CCNY: variants seen among roughly 807,000 people sequenced by gnomAD.
CCNY encodes cyclin Y.
In CCNY, 19 loss-of-function variants were observed where a neutral mutation model predicts 42.8. That is an observed-to-expected ratio of 0.44 (90% CI 0.31 to 0.65). The LOEUF (loss-of-function observed/expected upper bound fraction) is 0.65, where lower values mean the gene tolerates loss of function less well. Ranked by LOEUF, CCNY falls within the 30% of genes least tolerant of loss-of-function variation. The pLI, the probability that CCNY is intolerant of heterozygous loss-of-function variation, is 0.07. For missense variants in CCNY, 370 were observed against 437.3 expected (o/e 0.85, Z 1.37); for synonymous variants, 165 against 162.7 (o/e 1.01, Z -0.11).
intron 2 of CCNY, among the ~76,000 whole-genome samples, chr10:35,497,933 G>A (rs771518363): frequency 1.3e-5 from 2 of 152,010 alleles, no homozygotes; most frequent in East Asian, 1.9e-4. Flanking sequence ...TCCCTCTGCC[G>A]TGTTTCTCTG....
At chr10:35,340,076 A>G (rs1445353737) in intron 1 of CCNY, among the ~76,000 whole-genome samples, 1 of 152,190 alleles carries the variant, frequency 6.6e-6, no homozygotes, top group Non-Finnish European at 1.5e-5. Flanking sequence ...CTTGGATTCC[A>G]TTCATTTACT....
intron 1 of CCNY, among the ~76,000 whole-genome samples, chr10:35,423,962 G>A (rs924938065): frequency 3.3e-5 from 5 of 152,194 alleles, no homozygotes; most frequent in African/African-American, 1.2e-4. Context: ...TGAGGCTGGG[G>A]TTGGGAGAGG....
chr10:35,411,512 C>CAAAAAAAAAAAAA (rs59117826), intron 1 of CCNY, among the ~76,000 whole-genome samples: 1 of 61,392 alleles, frequency 1.6e-5, no homozygotes, highest in African/African-American at 6.3e-5. Context: ...AAGACTCTGT[C>CAAAAAAAAAAAAA]AAAAAAAAAA....
chr10:35,414,937 G>T (rs1279676687), intron 1 of CCNY, among the ~76,000 whole-genome samples: 1 of 152,168 alleles, frequency 6.6e-6, no homozygotes. Flanking sequence ...GAGTGACCCT[G>T]CTCTGAAGGA....
chr10:35,422,474 C>T (rs530137533), intron 1 of CCNY, among the ~76,000 whole-genome samples: 28 of 152,234 alleles, frequency 1.8e-4, no homozygotes, highest in South Asian at 1.2e-3. Flanking sequence ...TGAGCTGACT[C>T]GTGGGCATTT....
rs553253791 is a variant in CCNY at position 35,270,583 on chromosome 10, G to T, written c.-9+19957G>T. Among the ~76,000 whole-genome samples, 46 of 152,246 alleles carry T rather than the reference G, an allele frequency of 3.0e-4. 1 individual carries two copies. The South Asian group carries it at 8.9e-3, about 30-fold the overall frequency. ...TTTTGCCTGAATTGGTGCATGTGCT[G>T]GAAGTGTGAGTGCTCCAATTTGCCC... On this transcript the variant is annotated intron_variant, in intron 3 of 11. Coordinates refer to the CCNY transcript ENST00000374706.
At chr10:35,339,887 C>T (rs1028094851) in intron 1 of CCNY, among the ~76,000 whole-genome samples, 2 of 152,156 alleles carry the variant, frequency 1.3e-5, no homozygotes, top group African/African-American at 4.8e-5. Context: ...ATATTGGACT[C>T]ATGCTTTCCA....
intron 3 of CCNY, among the ~76,000 whole-genome samples, chr10:35,280,263 G>A (rs1835284650): frequency 2.0e-5 from 3 of 152,098 alleles, no homozygotes; most frequent in African/African-American, 7.2e-5. Flanking sequence ...GGAGTTGGAG[G>A]TTGCAGTGAG....
intron 1 of CCNY, among the ~76,000 whole-genome samples, chr10:35,461,783 A>G (rs1432924652): frequency 6.6e-6 from 1 of 152,126 alleles, no homozygotes; most frequent in African/African-American, 2.4e-5. Flanking sequence ...CCCTTGGTCT[A>G]CTGAATGATT....
chr10:35,520,734 CTCTT>C (rs1186598592), intron 4 of CCNY, among the ~76,000 whole-genome samples: 1 of 152,178 alleles, frequency 6.6e-6, no homozygotes, highest in Non-Finnish European at 1.5e-5. Context: ...TCAGTGCTCA[CTCTT>C]TCTGTAGACA....
intron 8 of CCNY, among the ~76,000 whole-genome samples, chr10:35,565,254 T>C (rs1841546090): frequency 6.6e-6 from 1 of 152,178 alleles, no homozygotes; most frequent in Admixed American, 6.5e-5. Flanking sequence ...CCTACCTTTT[T>C]AGTTGAGTGG....
intron 3 of CCNY, among the ~76,000 whole-genome samples, chr10:35,281,929 A>G (rs1473396314): frequency 6.6e-6 from 1 of 152,142 alleles, no homozygotes; most frequent in Non-Finnish European, 1.5e-5. Flanking sequence ...CAAGATCTGC[A>G]TATTTCTTAA....
chr10:35,463,406 C>G (rs1039122207), intron 1 of CCNY, among the ~76,000 whole-genome samples: 1 of 152,186 alleles, frequency 6.6e-6, no homozygotes, highest in South Asian at 2.1e-4. Context: ...TATGCTAACT[C>G]AGGTGATCCA....
At chr10:35,496,558 C>T (rs903037242) in intron 2 of CCNY, among the ~76,000 whole-genome samples, 12 of 152,030 alleles carry the variant, frequency 7.9e-5, no homozygotes, top group African/African-American at 2.7e-4. Flanking sequence ...GAGTCAGGTG[C>T]GGTGGCTCAT....
At chr10:35,531,524 G>A (rs1286959166) in intron 7 of CCNY, among the ~76,000 whole-genome samples, 1 of 152,202 alleles carries the variant, frequency 6.6e-6, no homozygotes, top group Non-Finnish European at 1.5e-5. Flanking sequence ...AGTAATGTAT[G>A]TACTGCCCAG....
intron 3 of CCNY, among the ~76,000 whole-genome samples, chr10:35,282,881 A>C (rs769383488): frequency 3.3e-5 from 5 of 152,186 alleles, no homozygotes; most frequent in Non-Finnish European, 7.3e-5. Flanking sequence ...AACAAATGAC[A>C]GCAAAGAGAT....
intron 7 of CCNY, among the ~76,000 whole-genome samples, chr10:35,552,498 A>T (rs1467810452): frequency 6.6e-6 from 1 of 152,252 alleles, no homozygotes; most frequent in South Asian, 2.1e-4. Flanking sequence ...CAGAAACAAC[A>T]CAACAGTGTG....
intron 2 of CCNY, among the ~76,000 whole-genome samples, chr10:35,497,510 G>A (rs1337508017): frequency 6.6e-6 from 1 of 152,160 alleles, no homozygotes; most frequent in Non-Finnish European, 1.5e-5. Flanking sequence ...GGCCGAGGCA[G>A]GTGGATCACT....
At chr10:35,330,475 C>T (rs1166799562) in intron 3 of CCNY, among the ~76,000 whole-genome samples, 2 of 152,122 alleles carry the variant, frequency 1.3e-5, no homozygotes, top group African/African-American at 4.8e-5. Flanking sequence ...ATCTGGGGGC[C>T]AATCAAGGAA....
Sources: allele counts gnomAD v4.1 joint callset (sites outside exome capture counted in the v4.1 genomes callset), GRCh38; gene constraint gnomAD v4.1.1; transcripts MANE v1.5; gene names NCBI Gene and HGNC (gene_info 2026-07-23, HGNC 2026-07-21).